ADGRL2: variants seen among roughly 807,000 people sequenced by gnomAD.
ADGRL2 encodes the protein calcium-independent alpha-latrotoxin receptor 2.
ADGRL2 carries 44 observed loss-of-function variants against 157.4 expected under a neutral mutation model. The observed-to-expected ratio is 0.28, with a 90% CI of 0.22 to 0.36. The LOEUF (loss-of-function observed/expected upper bound fraction) is 0.36, where lower values mean the gene tolerates loss of function less well. Ranked by LOEUF, ADGRL2 falls within the 10% of genes least tolerant of loss-of-function variation. The pLI is 1.00. For synonymous variants in ADGRL2, 585 were observed against 624.7 expected (o/e 0.94, Z 0.95); for missense variants, 1,510 against 1,768.9 (o/e 0.85, Z 2.63).
chr1:81,427,946 C>A (rs80097710), intron 1 of ADGRL2, among the ~76,000 whole-genome samples: 1 of 151,842 alleles, frequency 6.6e-6, no homozygotes, highest in South Asian at 2.1e-4. Context: ...CTGTAAATTG[C>A]GGTGGTGGTA....
intron 3 of ADGRL2, among the ~76,000 whole-genome samples, chr1:81,936,305 T>C (rs2095309707): frequency 6.6e-6 from 1 of 151,930 alleles, no homozygotes; most frequent in African/African-American, 2.4e-5. Flanking sequence ...GTTTTGACTC[T>C]TACGTTTCTG....
At chr1:81,351,603 TAA>T (rs34743709) in intron 1 of ADGRL2, among the ~76,000 whole-genome samples, 1 of 149,962 alleles carries the variant, frequency 6.7e-6, no homozygotes, top group Non-Finnish European at 1.5e-5. Context: ...GATTAATTGT[TAA>T]AAAAAAAAAG....
At chr1:81,827,650 C>CA (rs1219024475) in intron 1 of ADGRL2, among the ~76,000 whole-genome samples, 1 of 152,158 alleles carries the variant, frequency 6.6e-6, no homozygotes, top group African/African-American at 2.4e-5. Flanking sequence ...ACTACACCCT[C>CA]AGCCTCCCCA....
At chr1:81,684,333 G>A (rs1389435838) in intron 3 of ADGRL2, among the ~76,000 whole-genome samples, 3 of 152,148 alleles carry the variant, frequency 2.0e-5, no homozygotes, top group Non-Finnish European at 4.4e-5. Flanking sequence ...ATTCTTGTGG[G>A]AGTAAGGTGG....
chr1:81,633,237 T>G (rs995224635), intron 3 of ADGRL2, among the ~76,000 whole-genome samples: 1 of 151,706 alleles, frequency 6.6e-6, no homozygotes, highest in African/African-American at 2.4e-5. Context: ...TTAAAAGGAG[T>G]GCTCAAATAT....
At chr1:81,574,929 G>C (rs1557474916) in intron 2 of ADGRL2, among the ~76,000 whole-genome samples, 1 of 152,126 alleles carries the variant, frequency 6.6e-6, no homozygotes, top group African/African-American at 2.4e-5. Context: ...AATAAAGCTC[G>C]TAGCTCCCCT....
intron 2 of ADGRL2, among the ~76,000 whole-genome samples, chr1:81,880,899 C>T (rs1348693844): frequency 4.6e-5 from 7 of 151,910 alleles, no homozygotes. Context: ...TCTTTTTGTC[C>T]TTCCCTCTCA....
intron 21 of ADGRL2, 136 bp downstream of exon 21, chr1:81,985,491 T>C (rs939805306): frequency 8.5e-5 from 44 of 518,076 alleles, no homozygotes; most frequent in Admixed American, 5.6e-4. Context: ...TTATTGAAAA[T>C]ATACCTTGCC....
At chr1:81,546,192 A>G (rs1399824385) in intron 2 of ADGRL2, among the ~76,000 whole-genome samples, 2 of 152,206 alleles carry the variant, frequency 1.3e-5, no homozygotes, top group Admixed American at 6.5e-5. Context: ...TTGAATTTCA[A>G]TTGTGACTAT....
At chr1:81,899,200 G>A (rs756839284) in intron 2 of ADGRL2, among the ~76,000 whole-genome samples, 6 of 152,196 alleles carry the variant, frequency 3.9e-5, no homozygotes, top group Non-Finnish European at 8.8e-5. Flanking sequence ...GACTTTGTTA[G>A]AAAAGCAAAT....
intron 2 of ADGRL2, among the ~76,000 whole-genome samples, chr1:81,482,771 C>A (rs1294734142): frequency 6.6e-6 from 1 of 151,560 alleles, no homozygotes; most frequent in African/African-American, 2.4e-5. Flanking sequence ...TGTCTTATAC[C>A]TTCACTAAAA....
Position 81,527,400 on chromosome 1 carries a change from T to C in ADGRL2, c.-247-53476T>C, listed in dbSNP as rs1467505023. On this transcript the variant is annotated intron_variant, in intron 2 of 24. Coordinates refer to the ADGRL2 transcript ENST00000370721. ...CGCCTCCTACACCAGCCCTCATGAA[T>C]GGGATTAGTGTCCTTATAAAAGCGG... Among the ~76,000 whole-genome samples, 3 of 152,250 alleles carry C rather than the reference T, an allele frequency of 2.0e-5. No homozygotes were observed. The East Asian group carries it at 5.8e-4, about 29-fold the overall frequency.
chr1:81,866,371 A>T (rs12566657), intron 2 of ADGRL2, among the ~76,000 whole-genome samples: 18,170 of 152,064 alleles, frequency 0.12, 1,876 homozygotes, highest in East Asian at 0.57. Context: ...TGTCTCTCCC[A>T]CTATAAACTC....
intron 3 of ADGRL2, among the ~76,000 whole-genome samples, chr1:81,680,088 C>T (rs1375017438): frequency 1.3e-5 from 2 of 152,136 alleles, no homozygotes; most frequent in African/African-American, 4.8e-5. Context: ...CACCATGAAC[C>T]GAGGCAGCAC....
intron 1 of ADGRL2, among the ~76,000 whole-genome samples, chr1:81,358,952 G>A (rs1368199320): frequency 6.6e-6 from 1 of 152,032 alleles, no homozygotes; most frequent in Non-Finnish European, 1.5e-5. Context: ...CTGGTCAGAA[G>A]TTAATTAGAG....
chr1:81,889,486 T>C (rs1209493452), intron 2 of ADGRL2, among the ~76,000 whole-genome samples: 1 of 151,768 alleles, frequency 6.6e-6, no homozygotes, highest in African/African-American at 2.4e-5. Flanking sequence ...CGCTGAGAGG[T>C]GAGGAAGATG....
chr1:81,679,520 A>C (rs188121916), intron 3 of ADGRL2, among the ~76,000 whole-genome samples: 1 of 152,174 alleles, frequency 6.6e-6, no homozygotes, highest in South Asian at 2.1e-4. Context: ...TAATACCTCA[A>C]AGTGTTGAGC....
intron 1 of ADGRL2, among the ~76,000 whole-genome samples, chr1:81,336,289 C>T (rs905094211): frequency 3.3e-5 from 5 of 152,098 alleles, no homozygotes; most frequent in South Asian, 2.1e-4. Flanking sequence ...AGTATGAATG[C>T]GACTGATTGT....
chr1:81,382,843 G>A (rs2076366233), intron 1 of ADGRL2, among the ~76,000 whole-genome samples: 2 of 152,190 alleles, frequency 1.3e-5, no homozygotes, highest in Admixed American at 6.5e-5. Context: ...AAGTCTGATA[G>A]TTAAAAAAGT....
Sources: gnomAD v4.1 joint callset for allele counts (sites outside exome capture counted in the v4.1 genomes callset) on GRCh38, gnomAD v4.1.1 for gene constraint, MANE v1.5 for transcripts, NCBI Gene and HGNC (gene_info 2026-07-23, HGNC 2026-07-21) for gene names.